N4BP2L2: variants seen among roughly 807,000 people sequenced by gnomAD.
N4BP2L2 encodes the protein NEDD4 binding protein 2 like 2, also known as NEDD4-binding protein 2-like 2.
In N4BP2L2, 50 loss-of-function variants were observed where a neutral mutation model predicts 56.2. That is an observed-to-expected ratio of 0.89 (90% CI 0.71 to 1.13). N4BP2L2 has a LOEUF of 1.13. Ranked by LOEUF, N4BP2L2 falls within the 50% of genes most tolerant of loss-of-function variation. N4BP2L2 has a pLI of 0.00. For missense variants in N4BP2L2, 689 were observed against 693.8 expected, an observed-to-expected ratio of 0.99 and a Z score of 0.08; for synonymous variants, 203 against 223.6, an observed-to-expected ratio of 0.91 and a Z score of 0.82.
rs539270080 is a variant in N4BP2L2, at chr13:32,537,635, G to A, written c.1-608C>T. On this transcript the variant is annotated intron_variant, in intron 1 of 5. Coordinates refer to ENST00000267068, the Ensembl canonical transcript of N4BP2L2. The stretch of plus-strand genomic sequence containing the variant: ...TAGCATAAAAGAGGTTCCTAAATGG[G>A]TATAGTGTGTTCATTTAAAAGGGGG... Among the ~76,000 whole-genome samples the A allele has an allele frequency of 9.2e-5, 14 of 152,270 alleles. No homozygotes were observed. In the South Asian group the frequency reaches 2.9e-3, roughly 32 times the overall value.
At chr13:32,518,671 T>C (rs2049885242) in intron 5 of N4BP2L2, among the ~76,000 whole-genome samples, 1 of 152,116 alleles carries the variant, frequency 6.6e-6, no homozygotes, top group African/African-American at 2.4e-5. Flanking sequence ...AAAGAGATTA[T>C]GATTACCCAG....
intron 6 of N4BP2L2, among the ~76,000 whole-genome samples, chr13:32,502,975 C>G (rs2090279691): frequency 1.3e-5 from 2 of 151,980 alleles, no homozygotes; most frequent in African/African-American, 4.8e-5. Flanking sequence ...AAGTTCGATA[C>G]CAGCCTAGCC....
intron 6 of N4BP2L2, among the ~76,000 whole-genome samples, chr13:32,484,225 A>G (rs1167214599): frequency 5.3e-5 from 8 of 152,056 alleles, no homozygotes; most frequent in Admixed American, 4.6e-4. Flanking sequence ...TAGAGGGTGA[A>G]CTGAGGTGGG....
intron 6 of N4BP2L2, among the ~76,000 whole-genome samples, chr13:32,494,623 G>A (rs565545838): frequency 7.2e-5 from 11 of 151,976 alleles, no homozygotes; most frequent in African/African-American, 1.4e-4. Flanking sequence ...AAAATTAGCC[G>A]GGCATGGTGG....
exon 7 of N4BP2L2, chr13:32,442,479 T>G: frequency 1.2e-6 from 2 of 1,613,608 alleles, no homozygotes; most frequent in African/African-American, 1.3e-5. Context: ...AGTCAGTGCT[T>G]GTTAAGTCTT....
At chr13:32,487,558 G>A (rs1247485216) in intron 6 of N4BP2L2, among the ~76,000 whole-genome samples, 2 of 151,588 alleles carry the variant, frequency 1.3e-5, no homozygotes, top group African/African-American at 2.4e-5. Context: ...TGTAATCCCA[G>A]CTACTCGGGA....
intron 6 of N4BP2L2, chr13:32,446,708 C>A: frequency 5.5e-6 from 1 of 183,118 alleles, no homozygotes; most frequent in Non-Finnish European, 1.0e-5. Context: ...ACTTCATCAC[C>A]AAAATGTTTA....
exon 6 of N4BP2L2, chr13:32,517,293 T>C (rs2049448429): frequency 3.0e-6 from 3 of 987,256 alleles, no homozygotes; most frequent in African/African-American, 3.5e-5. Context: ...ATGTGCTGAT[T>C]ATAGCTAAGA....
intron 6 of N4BP2L2, among the ~76,000 whole-genome samples, chr13:32,470,485 T>C (rs537217270): frequency 6.6e-6 from 1 of 152,316 alleles, no homozygotes; most frequent in South Asian, 2.1e-4. Flanking sequence ...TGGATGTGCA[T>C]GTGACCACAG....
At chr13:32,442,935 T>A in exon 7 of N4BP2L2, 1 of 1,612,788 alleles carries the variant, frequency 6.2e-7, no homozygotes. Flanking sequence ...TTTCTGAAAT[T>A]CTATCTTTTT....
chr13:32,533,292 C>G (rs982362716), intron 2 of N4BP2L2, among the ~76,000 whole-genome samples: 12 of 152,064 alleles, frequency 7.9e-5, no homozygotes, highest in Admixed American at 7.9e-4. Context: ...CCCATAAACA[C>G]CCTATGGGCC....
At chr13:32,442,524 C>A (rs1188951256) in exon 7 of N4BP2L2, 1 of 1,613,794 alleles carries the variant, frequency 6.2e-7, no homozygotes, top group Non-Finnish European at 8.5e-7. Context: ...TAGGTTCTTC[C>A]CATCTTTTCA....
At chr13:32,449,737 C>G (rs1176003021) in intron 6 of N4BP2L2, among the ~76,000 whole-genome samples, 1 of 152,086 alleles carries the variant, frequency 6.6e-6, no homozygotes, top group East Asian at 1.9e-4. Context: ...GTATTAACAA[C>G]AACAAAAGCA....
intron 2 of N4BP2L2, among the ~76,000 whole-genome samples, chr13:32,533,022 G>A (rs2055399326): frequency 1.3e-5 from 2 of 152,068 alleles, no homozygotes; most frequent in African/African-American, 4.8e-5. Flanking sequence ...ACCACACCTA[G>A]CCTGTTTCTG....
chr13:32,519,541 A>G (rs955017272), intron 5 of N4BP2L2, among the ~76,000 whole-genome samples: 1 of 152,110 alleles, frequency 6.6e-6, no homozygotes, highest in Non-Finnish European at 1.5e-5. Context: ...CTGTATGCCC[A>G]GCTACTCAGG....
At chr13:32,459,117 A>C (rs1593538876) in intron 6 of N4BP2L2, among the ~76,000 whole-genome samples, 1 of 152,154 alleles carries the variant, frequency 6.6e-6, no homozygotes, top group African/African-American at 2.4e-5. Context: ...AACTACAAAA[A>C]CCTGTGGGAT....
chr13:32,500,569 A>T (rs415709), intron 6 of N4BP2L2, among the ~76,000 whole-genome samples: 76,903 of 133,572 alleles, frequency 0.58, 24,735 homozygotes, highest in Non-Finnish European at 0.71. Flanking sequence ...AAAAAAAAAA[A>T]TAGCCAGGCA....
chr13:32,450,570 C>T (rs1315943293), intron 6 of N4BP2L2, among the ~76,000 whole-genome samples: 5 of 151,770 alleles, frequency 3.3e-5, no homozygotes, highest in African/African-American at 4.8e-5. Flanking sequence ...GTGATCTGCC[C>T]GCCTCGGCCT....
chr13:32,517,031 G>C (rs1228784637), exon 6 of N4BP2L2: 1 of 972,070 alleles, frequency 1.0e-6, no homozygotes, highest in Non-Finnish European at 1.2e-6. Context: ...ACCATGTTAA[G>C]CAACTGTCCA....
Sources: allele counts gnomAD v4.1 joint callset (sites outside exome capture counted in the v4.1 genomes callset), GRCh38; gene constraint gnomAD v4.1.1; transcripts MANE v1.5; gene names NCBI Gene and HGNC (gene_info 2026-07-23, HGNC 2026-07-21).